Variants in BFSP2 observed in about 807,000 individuals in gnomAD.
The protein encoded by BFSP2 is phakinin.
Under a neutral mutation model 44.9 loss-of-function variants are expected in BFSP2, and 38 were observed. The observed-to-expected ratio is 0.85, with a 90% CI of 0.65 to 1.11. The LOEUF (loss-of-function observed/expected upper bound fraction) is 1.11, where lower values mean the gene tolerates loss of function less well. Ranked by LOEUF, BFSP2 falls within the 50% of genes least tolerant of loss-of-function variation. The pLI, the probability that BFSP2 is intolerant of heterozygous loss-of-function variation, is 0.00. For synonymous variants in BFSP2, 197 were observed against 209.9 expected (o/e 0.94, Z 0.53); for missense variants, 525 against 533.0 (o/e 0.99, Z 0.15).
chr3:133,401,394 A>G (rs1363874180), intron 1 of BFSP2, among the ~76,000 whole-genome samples: 1 of 152,172 alleles, frequency 6.6e-6, no homozygotes, highest in Non-Finnish European at 1.5e-5. Context: ...TTGCATTTTT[A>G]TTTTATCTAA....
chr3:133,453,977 G>A (rs1422248103), intron 4 of BFSP2, among the ~76,000 whole-genome samples: 1 of 152,178 alleles, frequency 6.6e-6, no homozygotes, highest in Non-Finnish European at 1.5e-5. Flanking sequence ...TTCTGAAGTT[G>A]TATGATTCAG....
intron 1 of BFSP2, among the ~76,000 whole-genome samples, chr3:133,424,494 A>G (rs2073625861): frequency 1.3e-5 from 1 of 74,720 alleles, no homozygotes; most frequent in Non-Finnish European, 2.6e-5. Flanking sequence ...TTCCAGTCTC[A>G]GCCCACCAAA....
intron 1 of BFSP2, among the ~76,000 whole-genome samples, chr3:133,438,266 C>T (rs531355005): frequency 2.9e-4 from 44 of 152,224 alleles, no homozygotes; most frequent in Non-Finnish European, 5.1e-4. Flanking sequence ...GTGGCTCATG[C>T]CTTTAATCCC....
At chr3:133,474,694 C>G (rs1340220170) in intron 6 of BFSP2, among the ~76,000 whole-genome samples, 1 of 152,168 alleles carries the variant, frequency 6.6e-6, no homozygotes, top group Non-Finnish European at 1.5e-5. Flanking sequence ...CCAAGGCAGA[C>G]CTGACTCTTG....
At chr3:133,429,470 C>G (rs556761380) in intron 1 of BFSP2, 8 of 152,284 alleles carry the variant, frequency 5.3e-5, no homozygotes, top group Middle Eastern at 3.4e-3. Flanking sequence ...CTGTTAAATC[C>G]CGCAACTGAT....
At chr3:133,446,600 AT>A (rs2107922043) in intron 1 of BFSP2, among the ~76,000 whole-genome samples, 1 of 35,538 alleles carries the variant, frequency 2.8e-5, no homozygotes, top group African/African-American at 1.4e-4. Context: ...ATATATATAT[AT>A]ATATATATAT....
chr3:133,409,060 G>A (rs1405879940), intron 1 of BFSP2, among the ~76,000 whole-genome samples: 1 of 152,226 alleles, frequency 6.6e-6, no homozygotes, highest in East Asian at 1.9e-4. Context: ...TATGTACCAA[G>A]TTGATAGCAT....
At chr3:133,437,934 CA>C (rs1019158342) in intron 1 of BFSP2, among the ~76,000 whole-genome samples, 1 of 152,338 alleles carries the variant, frequency 6.6e-6, no homozygotes, top group African/African-American at 2.4e-5. Flanking sequence ...ACCTATATTT[CA>C]CAGAAGCATC....
intron 1 of BFSP2, among the ~76,000 whole-genome samples, chr3:133,438,862 G>A (rs956808592): frequency 4.6e-5 from 7 of 151,956 alleles, no homozygotes; most frequent in African/African-American, 1.7e-4. Flanking sequence ...GGGATGGGGG[G>A]GTCATTATTC....
At chr3:133,467,065 G>A (rs1297398145) in intron 5 of BFSP2, 106 bp downstream of exon 5, 3 of 1,487,078 alleles carry the variant, frequency 2.0e-6, no homozygotes, top group East Asian at 4.8e-5. Flanking sequence ...CCATCTCACA[G>A]CATATGAGTT....
intron 1 of BFSP2, among the ~76,000 whole-genome samples, chr3:133,425,798 G>GAA (rs1414846150): frequency 1.5e-5 from 2 of 136,960 alleles, no homozygotes; most frequent in Non-Finnish European, 3.2e-5. Context: ...GGGAAGGGAA[G>GAA]GGAAGAAGGG....
intron 1 of BFSP2, among the ~76,000 whole-genome samples, chr3:133,419,515 A>C (rs1256478915): frequency 6.6e-6 from 1 of 152,202 alleles, no homozygotes; most frequent in Non-Finnish European, 1.5e-5. Flanking sequence ...CCGTTTGATA[A>C]GATAGAGCTA....
Position 133,472,546 on chromosome 3 carries a change from C to G in BFSP2, c.1225C>G (p.Leu409Val). 6.2e-7 allele frequency: 1 copy of G among 1,612,196 alleles called. No individual in the cohort carries two copies. The highest frequency in any genetic ancestry group is 8.5e-7 in the Non-Finnish European group (1 of 1,179,918). The change falls in exon 6 of 7, where the codon CTG becomes GTG. Residue 409 changes from leucine (L) to valine (V), a missense_variant. By Grantham distance (32) the Leu-to-Val change is conservative (BLOSUM62 1). Transcript: ENST00000302334. Reference sequence around the variant, plus strand: ...GGACGTGGCGTCCTACCACGCCCTGCTGGACAGGGAGGAGAGCGGGTAAGC... The same window carrying G: ...GGACGTGGCGTCCTACCACGCCCTGGTGGACAGGGAGGAGAGCGGGTAAGC... ...QKDVASYHAL[L>V]DREESG
chr3:133,403,344 C>T (rs2073377352), intron 1 of BFSP2, among the ~76,000 whole-genome samples: 1 of 152,184 alleles, frequency 6.6e-6, no homozygotes, highest in Non-Finnish European at 1.5e-5. Flanking sequence ...GTTTCTCCAC[C>T]TGCAGCTGCC....
chr3:133,457,376 T>A (rs1037612026), intron 4 of BFSP2, among the ~76,000 whole-genome samples: 1 of 152,254 alleles, frequency 6.6e-6, no homozygotes, highest in Non-Finnish European at 1.5e-5. Context: ...TATTTCAACA[T>A]GTATAATAGA....
intron 1 of BFSP2, among the ~76,000 whole-genome samples, chr3:133,425,790 GAA>G (rs2073640647): frequency 7.2e-6 from 1 of 139,804 alleles, no homozygotes; most frequent in Non-Finnish European, 1.5e-5. Flanking sequence ...AAAGGGAAGG[GAA>G]GGGAAGGGAA....
At chr3:133,424,003 T>A (rs554194489) in intron 1 of BFSP2, among the ~76,000 whole-genome samples, 1 of 151,292 alleles carries the variant, frequency 6.6e-6, no homozygotes, top group South Asian at 2.1e-4. Flanking sequence ...AGACTTTGCA[T>A]ATATCGACCA....
At chr3:133,425,776 A>AGGGGAC (rs1182141231) in intron 1 of BFSP2, among the ~76,000 whole-genome samples, 6 of 35,502 alleles carry the variant, frequency 1.7e-4, no homozygotes, top group Admixed American at 2.5e-4. Context: ...GGAAAGGGAA[A>AGGGGAC]GGGAAAGGGA....
At position 133,413,037 on chromosome 3, in the gene BFSP2, C is replaced by A. The variant is rs72980052; in HGVS notation, c.489+12465C>A. On this transcript the variant is annotated intron_variant, in intron 1 of 6. Transcript: ENST00000302334. ...GTTTCTTAGAAAGTGGAGGGCAGAC[C>A]CTCTCTGGAAGCACACATAGGGGCT... Among the ~76,000 whole-genome samples, 1,178 of 152,222 alleles carry A rather than the reference C, an allele frequency of 7.7e-3. 23 individuals are homozygous for A. Among genetic ancestry groups the A allele is most frequent in the African/African-American group, 0.027 (1,131 of 41,518 alleles).
Sources: gnomAD v4.1 joint callset for allele counts (sites outside exome capture counted in the v4.1 genomes callset) on GRCh38, gnomAD v4.1.1 for gene constraint, MANE v1.5 for transcripts, NCBI Gene and HGNC (gene_info 2026-07-23, HGNC 2026-07-21) for gene names.